Variants in TLK1 observed in about 807,000 individuals in gnomAD.
TLK1 encodes serine/threonine-protein kinase tousled-like 1.
Under a neutral mutation model 105.3 loss-of-function variants are expected in TLK1, and 24 were observed. The observed-to-expected ratio is 0.23, with a 90% CI of 0.17 to 0.32. TLK1 has a LOEUF of 0.32. Ranked by LOEUF, TLK1 falls within the 10% of genes least tolerant of loss-of-function variation. The pLI is 1.00. For missense variants in TLK1, 558 were observed against 910.5 expected (o/e 0.61, Z 4.98); for synonymous variants, 321 against 310.4 (o/e 1.03, Z -0.36).
chr2:171,116,997 T>C (rs1042290164), intron 2 of TLK1, among the ~76,000 whole-genome samples: 4 of 152,128 alleles, frequency 2.6e-5, no homozygotes, highest in African/African-American at 9.7e-5. Flanking sequence ...TGAAAACTCA[T>C]CACAGTTTGA....
At chr2:171,096,239 C>A (rs1364692319) in intron 2 of TLK1, among the ~76,000 whole-genome samples, 1 of 152,084 alleles carries the variant, frequency 6.6e-6, no homozygotes, top group African/African-American at 2.4e-5. Context: ...GTGGCTCATG[C>A]CTGTAATTCC....
At chr2:171,017,341 C>T (rs1254584114) in intron 12 of TLK1, among the ~76,000 whole-genome samples, 1 of 152,202 alleles carries the variant, frequency 6.6e-6, no homozygotes, top group Non-Finnish European at 1.5e-5. Flanking sequence ...TTGACTGTCA[C>T]ATGTGTAGGA....
At chr2:171,039,203 T>C (rs1686530589) in intron 11 of TLK1, among the ~76,000 whole-genome samples, 1 of 152,212 alleles carries the variant, frequency 6.6e-6, no homozygotes, top group Non-Finnish European at 1.5e-5. Flanking sequence ...TAAGAATTTT[T>C]TTCTCTTTGC....
rs73027251 is a variant in TLK1 at position 171,040,547 on chromosome 2, T to C, written c.1169+5627A>G. On this transcript the variant is annotated intron_variant, in intron 11 of 20. Transcript: ENST00000431350. Reference sequence around the variant, plus strand: ...GATAAGTAGTCTACTAATAATGTTATACAAAATATATTCCTTTTTTGTTTT... The same window carrying C: ...GATAAGTAGTCTACTAATAATGTTACACAAAATATATTCCTTTTTTGTTTT... Among the ~76,000 whole-genome samples, 762 of 149,324 alleles carry C rather than the reference T, an allele frequency of 5.1e-3. 5 individuals carry two copies. The highest frequency in any genetic ancestry group is 0.018 in the African/African-American group (723 of 40,762).
At chr2:171,229,419 C>G (rs1575666752) in intron 1 of TLK1, among the ~76,000 whole-genome samples, 1 of 152,172 alleles carries the variant, frequency 6.6e-6, no homozygotes, top group African/African-American at 2.4e-5. Context: ...CAACTCAATG[C>G]CAGGAGAGCT....
Position 171,181,941 on chromosome 2 carries a change from C to T in TLK1, c.-6+49204G>A, listed in dbSNP as rs146354845. On this transcript the variant is annotated intron_variant, in intron 1 of 20. Coordinates refer to the TLK1 transcript ENST00000521943. ...AGCTACGCCCCACAATCCATCTCTT[C>T]GATCCTACTCTTGCCAAGACAATTA... Among the ~76,000 whole-genome samples the T allele has an allele frequency of 2.2e-3, 337 of 152,268 alleles. 2 individuals are homozygous for T. Among genetic ancestry groups the T allele is most frequent in the African/African-American group, 7.9e-3 (328 of 41,552 alleles).
chr2:171,192,806 C>T (rs1267695043), intron 1 of TLK1, among the ~76,000 whole-genome samples: 3 of 152,210 alleles, frequency 2.0e-5, no homozygotes, highest in African/African-American at 7.2e-5. Context: ...GCCATCTGTA[C>T]ATGCTTCAAA....
In TLK1 at chr2:170,998,791, C is replaced by T. The variant is rs993142715; in HGVS notation, c.1905-968G>A. Among the ~76,000 whole-genome samples the T allele has an allele frequency of 6.3e-4, 96 of 152,054 alleles. 3 individuals are homozygous for T. Among genetic ancestry groups the T allele is most frequent in the Admixed American group, 6.5e-5 (1 of 15,270 alleles). ...TATAAGTTCATAATTTTTTTTGATA[C>T]AGGGTCCAACTCTGTCACCCAGGCT... On this transcript the variant is annotated intron_variant, in intron 18 of 20. Coordinates refer to ENST00000431350, the MANE Select transcript of TLK1 (RefSeq NM_012290.5).
chr2:171,194,399 C>A (rs1693219906), intron 1 of TLK1, among the ~76,000 whole-genome samples: 1 of 152,184 alleles, frequency 6.6e-6, no homozygotes, highest in South Asian at 2.1e-4. Context: ...TTTTCCCATA[C>A]ATGAGCAAGG....
intron 3 of TLK1, among the ~76,000 whole-genome samples, chr2:171,076,037 G>C (rs1423741536): frequency 3.4e-4 from 52 of 152,270 alleles, no homozygotes; most frequent in Admixed American, 5.9e-4. Flanking sequence ...GGCTAACATG[G>C]TGAAACCCTG....
chr2:171,166,591 T>C (rs2105299727), intron 1 of TLK1, among the ~76,000 whole-genome samples: 1 of 152,372 alleles, frequency 6.6e-6, no homozygotes, highest in Middle Eastern at 3.4e-3. Flanking sequence ...AAATTCAAAT[T>C]ATCTGAGCAT....
At chr2:171,073,881 C>A (rs867656329) in intron 3 of TLK1, among the ~76,000 whole-genome samples, 1 of 129,050 alleles carries the variant, frequency 7.7e-6, no homozygotes, top group African/African-American at 2.8e-5. Flanking sequence ...TTCCCCCCCC[C>A]CCTCCTTTTT....
At chr2:171,103,283 A>ATATATATATATATATATATATAAT (rs1553477358) in intron 2 of TLK1, among the ~76,000 whole-genome samples, 2 of 120,392 alleles carry the variant, frequency 1.7e-5, no homozygotes, top group Non-Finnish European at 3.3e-5. Flanking sequence ...TATATATATA[A>ATATATATATATATATATATATAAT]TTTTTTTTGA....
Position 170,993,743 on chromosome 2 carries a change from G to A in TLK1, c.*37C>T. On this transcript the variant is annotated 3_prime_UTR_variant, in exon 21 of 21. Coordinates refer to ENST00000431350, the MANE Select transcript of TLK1 (RefSeq NM_012290.5). ...CTCAAACTTAAGTGTGCATCTGGAA[G>A]CAAATTCAAAGATATCATGCCAATC... 1 of 1,471,914 alleles carries A rather than the reference G, an allele frequency of 6.8e-7. No individual in the cohort carries two copies. The allele number at this position is 1,471,914 out of a possible 1,614,324, so 91.2% of individuals were successfully genotyped here. A position where few individuals can be genotyped will look rare whatever the true frequency, so the allele number is the denominator to read the frequency against.
At chr2:171,207,075 TG>T (rs1693520386) in intron 1 of TLK1, among the ~76,000 whole-genome samples, 2 of 152,238 alleles carry the variant, frequency 1.3e-5, no homozygotes, top group South Asian at 4.1e-4. Flanking sequence ...TTGAAATCTA[TG>T]TCTACAAAAA....
At chr2:171,063,273 G>C (rs566748797) in intron 3 of TLK1, among the ~76,000 whole-genome samples, 143 of 152,200 alleles carry the variant, frequency 9.4e-4, no homozygotes, top group African/African-American at 3.3e-3. Flanking sequence ...TTGAACACAG[G>C]AGGTAGGGGT....
chr2:171,149,331 C>T (rs1014086168), intron 1 of TLK1, among the ~76,000 whole-genome samples: 14 of 151,928 alleles, frequency 9.2e-5, no homozygotes, highest in African/African-American at 3.4e-4. Flanking sequence ...CTTGTGAAAC[C>T]TTGTAGTTAC....
chr2:171,213,516 T>A (rs10194474), intron 1 of TLK1, among the ~76,000 whole-genome samples: 13,426 of 149,352 alleles, frequency 0.09, 652 homozygotes, highest in Admixed American at 0.13. Flanking sequence ...ATCTTTTTTT[T>A]AAAAAAAAAA....
At chr2:171,180,050 TCACGACTGCACTCCAGC>T (rs1418269909) in intron 1 of TLK1, among the ~76,000 whole-genome samples, 1 of 143,156 alleles carries the variant, frequency 7.0e-6, no homozygotes, top group Non-Finnish European at 1.5e-5. Flanking sequence ...AGCTGAGATC[TCACGACTGCACTCCAGC>T]CTGGGTGATA....
Sources: gnomAD v4.1 joint callset for allele counts (sites outside exome capture counted in the v4.1 genomes callset) on GRCh38, gnomAD v4.1.1 for gene constraint, MANE v1.5 for transcripts, NCBI Gene and HGNC (gene_info 2026-07-23, HGNC 2026-07-21) for gene names.